RRP15: variants seen among roughly 807,000 people sequenced by gnomAD.
RRP15 encodes RRP15-like protein.
RRP15 carries 18 observed loss-of-function variants against 27.1 expected under a neutral mutation model. The ratio of observed to expected loss-of-function variants is 0.66; its 90% CI spans 0.46 to 0.98. The LOEUF (loss-of-function observed/expected upper bound fraction) is 0.98. RRP15 is among the 50% of genes least tolerant of loss of function. RRP15 has a pLI of 0.00. For missense variants in RRP15, 359 were observed against 337.8 expected (o/e 1.06, Z -0.49); for synonymous variants, 107 against 109.4 (o/e 0.98, Z 0.14).
intron 1 of RRP15, among the ~76,000 whole-genome samples, chr1:218,288,988 A>G (rs1384508765): frequency 6.6e-6 from 1 of 152,190 alleles, no homozygotes; most frequent in Non-Finnish European, 1.5e-5. Context: ...GCTAGTTATT[A>G]TTATCTACCC....
intron 4 of RRP15, among the ~76,000 whole-genome samples, chr1:218,315,922 AATGTTTGTTTACT>A (rs1478754785): frequency 6.6e-6 from 1 of 152,196 alleles, no homozygotes; most frequent in Non-Finnish European, 1.5e-5. Context: ...AATTCAGCTT[AATGTTTGTTTACT>A]GAAAATGCCT....
Position 218,336,657 on chromosome 1 carries a change from C to T in RRP15, c.*5566C>T, listed in dbSNP as rs1656453401. 1 of 152,572 alleles carries T rather than the reference C, an allele frequency of 6.6e-6. No individual in the cohort carries two copies. The highest frequency in any genetic ancestry group is 2.4e-5 in the African/African-American group (1 of 41,450). The allele number at this position is 152,572 out of a possible 1,614,324, so 9.5% of individuals were successfully genotyped here. On this transcript the variant is annotated 3_prime_UTR_variant, in exon 5 of 5. Transcript: ENST00000366932. ...CTGAAAACAGTGCAGCAGCCAGACT[C>T]AGCAGTTGCCCTGAAATACTGAGAA...
chr1:218,294,086 G>C (rs1655683570), intron 1 of RRP15, among the ~76,000 whole-genome samples: 1 of 152,082 alleles, frequency 6.6e-6, no homozygotes, highest in Admixed American at 6.6e-5. Context: ...AGGGGATCAC[G>C]AATTAGAGAT....
At position 218,335,721 on chromosome 1, in the gene RRP15, G is replaced by A. The variant is rs1571813988; in HGVS notation, c.*4630G>A. 6.6e-6 allele frequency: 1 copy of A among 152,244 alleles called. No individual in the cohort carries two copies. The highest frequency in any genetic ancestry group is 1.9e-4 in the East Asian group (1 of 5,190). 9.4% of individuals were successfully genotyped at this position (152,244 alleles called of 1,614,324 possible). On this transcript the variant is annotated 3_prime_UTR_variant, in exon 5 of 5. Transcript: ENST00000366932. ...TCTAATGAAACAACAGTGAATTTGG[G>A]AATTGTAAATCTGTCTTAAGCTTTT...
At chr1:218,325,149 T>TA (rs1656252417) in intron 4 of RRP15, among the ~76,000 whole-genome samples, 1 of 152,230 alleles carries the variant, frequency 6.6e-6, no homozygotes, top group South Asian at 2.1e-4. Flanking sequence ...TTTGTCAAGT[T>TA]AAAATAACAT....
chr1:218,314,940 T>C (rs1656056656), intron 4 of RRP15, among the ~76,000 whole-genome samples: 1 of 145,044 alleles, frequency 6.9e-6, no homozygotes, highest in Admixed American at 7.2e-5. Flanking sequence ...AGCAGTGTGC[T>C]GAGATTGCGC....
At chr1:218,295,610 A>G (rs1655706862) in intron 1 of RRP15, among the ~76,000 whole-genome samples, 1 of 152,338 alleles carries the variant, frequency 6.6e-6, no homozygotes, top group South Asian at 2.1e-4. Context: ...TTAAGATATA[A>G]TAACCTAGTG....
At chr1:218,313,105 T>C (rs1006624003) in intron 4 of RRP15, among the ~76,000 whole-genome samples, 2 of 152,200 alleles carry the variant, frequency 1.3e-5, no homozygotes, top group Admixed American at 6.6e-5. Flanking sequence ...AGGAGGTACA[T>C]GTAGAGGTTT....
chr1:218,330,498 T>C (rs1656348226), intron 4 of RRP15, among the ~76,000 whole-genome samples: 1 of 152,212 alleles, frequency 6.6e-6, no homozygotes, highest in Admixed American at 6.5e-5. Context: ...AGTTTCTTTT[T>C]CCCACTTTTA....
chr1:218,287,111 C>T (rs982227242), intron 1 of RRP15, among the ~76,000 whole-genome samples: 40 of 150,774 alleles, frequency 2.7e-4, no homozygotes, highest in Non-Finnish European at 5.9e-4. Flanking sequence ...ACTACAGGCG[C>T]ATACCACTGT....
intron 2 of RRP15, chr1:218,302,762 CAA>C: frequency 1.5e-6 from 1 of 679,762 alleles, no homozygotes; most frequent in East Asian, 3.1e-5. Flanking sequence ...ATCATCTATG[CAA>C]AGGCAAAGTA....
intron 4 of RRP15, among the ~76,000 whole-genome samples, chr1:218,312,900 T>C (rs1365609642): frequency 6.6e-6 from 1 of 152,188 alleles, no homozygotes; most frequent in Non-Finnish European, 1.5e-5. Context: ...TGTAGGATGT[T>C]TGCTAATGAG....
At chr1:218,295,854 A>T (rs1048517087) in intron 1 of RRP15, among the ~76,000 whole-genome samples, 1 of 152,050 alleles carries the variant, frequency 6.6e-6, no homozygotes, top group Admixed American at 6.6e-5. Flanking sequence ...TACCACTATC[A>T]TTTTATTTTT....
Position 218,335,724 on chromosome 1 carries a change from T to C in RRP15, c.*4633T>C, listed in dbSNP as rs1261616456. 6.6e-6 allele frequency: 1 copy of C among 152,212 alleles called. No individual in the cohort carries two copies. The highest frequency in any genetic ancestry group is 2.4e-5 in the African/African-American group (1 of 41,458). The allele number at this position is 152,212 out of a possible 1,614,324, so 9.4% of individuals were successfully genotyped here. On this transcript the variant is annotated 3_prime_UTR_variant, in exon 5 of 5. Transcript: ENST00000366932. ...AATGAAACAACAGTGAATTTGGGAA[T>C]TGTAAATCTGTCTTAAGCTTTTTCC...
chr1:218,313,986 TA>T, intron 4 of RRP15, among the ~76,000 whole-genome samples: 1 of 151,356 alleles, frequency 6.6e-6, no homozygotes, highest in South Asian at 2.1e-4. Context: ...TATTTTATTT[TA>T]TTTTATTTTA....
At chr1:218,289,719 G>T (rs1474322230) in intron 1 of RRP15, among the ~76,000 whole-genome samples, 1 of 152,114 alleles carries the variant, frequency 6.6e-6, no homozygotes, top group Non-Finnish European at 1.5e-5. Context: ...TTTTGCTCTT[G>T]TTGCCCAGGC....
At chr1:218,303,693 C>G (rs1293334104) in intron 2 of RRP15, among the ~76,000 whole-genome samples, 1 of 152,166 alleles carries the variant, frequency 6.6e-6, no homozygotes, top group African/African-American at 2.4e-5. Flanking sequence ...TAACTCTGCT[C>G]TAGGCCAAAG....
At chr1:218,291,169 G>A (rs1655631982) in intron 1 of RRP15, among the ~76,000 whole-genome samples, 1 of 151,650 alleles carries the variant, frequency 6.6e-6, no homozygotes, top group African/African-American at 2.4e-5. Flanking sequence ...TGGACATGGT[G>A]GCTCACACCT....
intron 4 of RRP15, among the ~76,000 whole-genome samples, chr1:218,325,309 G>A (rs920197928): frequency 1.3e-5 from 2 of 152,022 alleles, no homozygotes; most frequent in African/African-American, 2.4e-5. Context: ...TTTTCCTTTG[G>A]TGGGACTCCT....
Sources: allele counts gnomAD v4.1 joint callset (sites outside exome capture counted in the v4.1 genomes callset), GRCh38; gene constraint gnomAD v4.1.1; transcripts MANE v1.5; gene names NCBI Gene and HGNC (gene_info 2026-07-23, HGNC 2026-07-21).